DIAPH3: variants seen among roughly 807,000 people sequenced by gnomAD.
The protein encoded by DIAPH3 is protein diaphanous homolog 3.
DIAPH3 carries 117 observed loss-of-function variants against 144.3 expected under a neutral mutation model. That is an observed-to-expected ratio of 0.81 (90% CI 0.70 to 0.95). DIAPH3 has a LOEUF of 0.95. Among genes scored for constraint, DIAPH3 ranks in the 40% least tolerant of loss-of-function variants. The pLI is 0.00. For synonymous variants in DIAPH3, 519 were observed against 488.9 expected (o/e 1.06, Z -0.81); for missense variants, 1,421 against 1,412.7 (o/e 1.01, Z -0.09).
At chr13:60,033,980 A>G (rs1466054342) in intron 5 of DIAPH3, among the ~76,000 whole-genome samples, 1 of 152,190 alleles carries the variant, frequency 6.6e-6, no homozygotes, top group Non-Finnish European at 1.5e-5. Context: ...TAGATATGTA[A>G]GGGAATACCA....
intron 25 of DIAPH3, among the ~76,000 whole-genome samples, chr13:59,793,152 C>T (rs2039412936): frequency 6.6e-6 from 1 of 152,176 alleles, no homozygotes; most frequent in Non-Finnish European, 1.5e-5. Context: ...TGCACTTAGG[C>T]CCAACATTTC....
chr13:60,151,904 T>G (rs1288454932), intron 1 of DIAPH3, among the ~76,000 whole-genome samples: 6 of 152,192 alleles, frequency 3.9e-5, no homozygotes, highest in Non-Finnish European at 8.8e-5. Context: ...GGCTGTCAAT[T>G]TTTTCATTAA....
chr13:60,130,924 T>C (rs1371065876), intron 2 of DIAPH3, among the ~76,000 whole-genome samples: 1 of 152,078 alleles, frequency 6.6e-6, no homozygotes, highest in Admixed American at 6.5e-5. Context: ...ATTATTAATA[T>C]AAGATAGAGC....
chr13:60,132,792 T>A (rs1182261727), intron 2 of DIAPH3, among the ~76,000 whole-genome samples, 165 bp downstream of exon 2: 4 of 152,064 alleles, frequency 2.6e-5, no homozygotes, highest in Non-Finnish European at 4.4e-5. Context: ...AAACCAACAA[T>A]TTAGTGTATT....
intron 27 of DIAPH3, among the ~76,000 whole-genome samples, chr13:59,693,590 G>A (rs368235737): frequency 7.2e-5 from 11 of 152,060 alleles, no homozygotes; most frequent in South Asian, 2.1e-4. Flanking sequence ...AACTCATTGC[G>A]GAACAAAAAC....
In DIAPH3 at chr13:60,038,518, T is replaced by G. The variant is rs74533318; in HGVS notation, c.626+4172A>C. ...AAAAAATGGATTCCAAAAACGACACTTATTAAATGGAATAATGACATTCAA... is the reference window on the plus strand; with the variant it reads ...AAAAAATGGATTCCAAAAACGACACGTATTAAATGGAATAATGACATTCAA... On this transcript the variant is annotated intron_variant, in intron 5 of 27. Coordinates refer to ENST00000400324, the MANE Select transcript of DIAPH3 (RefSeq NM_001042517.2). 9.2e-3 allele frequency among the ~76,000 whole-genome samples: 1,400 copies of G among 152,264 alleles called. 8 individuals are homozygous for G. The highest frequency in any genetic ancestry group is 0.022 in the South Asian group (106 of 4,822).
chr13:59,882,936 A>G (rs1234038289), intron 20 of DIAPH3, among the ~76,000 whole-genome samples: 1 of 152,182 alleles, frequency 6.6e-6, no homozygotes, highest in East Asian at 1.9e-4. Context: ...CACAGATGTC[A>G]TATGTCAGAA....
At chr13:59,703,763 C>T (rs1357799417) in intron 27 of DIAPH3, among the ~76,000 whole-genome samples, 2 of 151,890 alleles carry the variant, frequency 1.3e-5, no homozygotes, top group South Asian at 2.1e-4. Context: ...TGTGTGTGTC[C>T]AAATGTCCTA....
At chr13:59,829,392 A>T (rs1293759704) in intron 24 of DIAPH3, among the ~76,000 whole-genome samples, 4 of 151,880 alleles carry the variant, frequency 2.6e-5, no homozygotes, top group Non-Finnish European at 5.9e-5. Context: ...GGTCAGCCAC[A>T]TATGGTATAG....
At chr13:59,961,729 C>T (rs1251363224) in intron 17 of DIAPH3, among the ~76,000 whole-genome samples, 1 of 152,152 alleles carries the variant, frequency 6.6e-6, no homozygotes, top group Non-Finnish European at 1.5e-5. Context: ...GTATTCCATT[C>T]AGAGGGGCTG....
intron 4 of DIAPH3, among the ~76,000 whole-genome samples, chr13:60,060,287 T>A (rs1050437935): frequency 2.6e-5 from 4 of 152,030 alleles, no homozygotes; most frequent in Admixed American, 2.6e-4. Flanking sequence ...AATCTTTGGA[T>A]CATTGGATCA....
At chr13:59,717,003 G>A (rs994700789) in intron 27 of DIAPH3, among the ~76,000 whole-genome samples, 4 of 151,900 alleles carry the variant, frequency 2.6e-5, no homozygotes, top group African/African-American at 9.7e-5. Context: ...AAAATTTCAT[G>A]TACTGTGTTA....
Position 59,992,601 on chromosome 13 carries a change from G to T in DIAPH3, c.1015-18C>A. ...CAAGCTACCTACAAGAGATCAAACA[G>T]TGAGACAGACTGGGTTTCCAACATT... is the stretch of plus-strand genomic sequence containing the variant. On this transcript the variant is annotated intron_variant, in intron 9 of 27. Transcript: ENST00000400324. 1 of 1,585,464 alleles carries T rather than the reference G, an allele frequency of 6.3e-7. No homozygotes were observed. Among genetic ancestry groups the T allele is most frequent in the Non-Finnish European group, 8.7e-7 (1 of 1,155,748 alleles).
At chr13:59,697,005 A>G (rs1262145809) in intron 27 of DIAPH3, among the ~76,000 whole-genome samples, 1 of 152,124 alleles carries the variant, frequency 6.6e-6, no homozygotes, top group Non-Finnish European at 1.5e-5. Flanking sequence ...ATTTAACTTG[A>G]GTAGGAACTT....
chr13:59,989,739 T>A (rs1594244926), intron 12 of DIAPH3, among the ~76,000 whole-genome samples: 1 of 151,958 alleles, frequency 6.6e-6, no homozygotes, highest in African/African-American at 2.4e-5. Flanking sequence ...TTGTGTTTTT[T>A]AATCTGTTTT....
intron 27 of DIAPH3, among the ~76,000 whole-genome samples, chr13:59,676,455 T>C (rs1347903131): frequency 6.6e-6 from 1 of 152,210 alleles, no homozygotes; most frequent in Non-Finnish European, 1.5e-5. Context: ...ACAGATATTA[T>C]ATTCTCTCAA....
intron 27 of DIAPH3, among the ~76,000 whole-genome samples, chr13:59,764,454 G>A (rs1453893743): frequency 1.3e-5 from 2 of 151,440 alleles, no homozygotes; most frequent in Non-Finnish European, 1.5e-5. Flanking sequence ...TGCCACTGGG[G>A]CCCTGTGGTG....
Position 59,739,385 on chromosome 13 carries a change from A to T in DIAPH3, c.3319+34804T>A, listed in dbSNP as rs185896115. Among the ~76,000 whole-genome samples the T allele has an allele frequency of 3.1e-3, 478 of 152,290 alleles. 3 individuals are homozygous for T. Among genetic ancestry groups the T allele is most frequent in the African/African-American group, 0.01 (421 of 41,562 alleles). On this transcript the variant is annotated intron_variant, in intron 27 of 27. Transcript: ENST00000400324. ...ACTCCATATGTAACACTGTGAGCTGATGCCTTAACTCCTCTAAGTATTCAT... is the reference window on the plus strand; with the variant it reads ...ACTCCATATGTAACACTGTGAGCTGTTGCCTTAACTCCTCTAAGTATTCAT...
At chr13:59,959,461 T>TG (rs1224248230) in intron 17 of DIAPH3, among the ~76,000 whole-genome samples, 15 of 152,134 alleles carry the variant, frequency 9.9e-5, no homozygotes, top group Admixed American at 9.8e-4. Context: ...GATTCTGAGA[T>TG]GGGGAAGAGC....
Sources: allele counts gnomAD v4.1 joint callset (sites outside exome capture counted in the v4.1 genomes callset), GRCh38; gene constraint gnomAD v4.1.1; transcripts MANE v1.5; gene names NCBI Gene and HGNC (gene_info 2026-07-23, HGNC 2026-07-21).